The following MYO16 variants were observed in gnomAD, a reference collection of about 807,000 sequenced individuals.
MYO16 encodes unconventional myosin-XVI.
A neutral mutation model predicts 205.3 loss-of-function variants in MYO16; 94 were observed. The ratio of observed to expected loss-of-function variants is 0.46; its 90% CI spans 0.39 to 0.54. The LOEUF is 0.54. Ranked by LOEUF, MYO16 falls within the 20% of genes least tolerant of loss-of-function variation. The pLI is 0.00. For synonymous variants in MYO16, 988 were observed against 954.0 expected (o/e 1.04, Z -0.66); for missense variants, 2,315 against 2,387.5 (o/e 0.97, Z 0.63).
intron 22 of MYO16, among the ~76,000 whole-genome samples, chr13:109,013,186 A>C (rs989554070): frequency 7.3e-6 from 1 of 136,410 alleles, no homozygotes; most frequent in Non-Finnish European, 1.5e-5. Context: ...CTCATTGTTG[A>C]GTTCCCACCT....
rs796802250 is a variant in MYO16 at position 109,049,972 on chromosome 13, G to GTGTGTGTGTGTA, written c.2873-2323_2873-2322insGTGTGTATGTGT. ...TGTGTGTGTGTGTGTGTGTGTGTGTGTGTGTTTACTTTCTGAATCATTTGA... is the reference window on the plus strand; with the variant it reads ...TGTGTGTGTGTGTGTGTGTGTGTGTGTGTGTGTGTGTATGTGTTTACTTTCTGAATCATTTGA... On this transcript the variant is annotated intron_variant, in intron 24 of 34. Coordinates refer to ENST00000457511, the MANE Select transcript of MYO16 (RefSeq NM_001198950.3). 2.2e-4 allele frequency among the ~76,000 whole-genome samples: 29 copies of GTGTGTGTGTGTA among 131,290 alleles called. 1 individual carries two copies. The East Asian group carries it at 3.6e-3, about 16-fold the overall frequency. 86.1% of individuals were successfully genotyped at this position (131,290 alleles called of 152,430 possible).
chr13:108,677,069 C>T (rs1882246422), intron 2 of MYO16, among the ~76,000 whole-genome samples: 1 of 152,074 alleles, frequency 6.6e-6, no homozygotes, highest in Non-Finnish European at 1.5e-5. Context: ...TTCATTCATT[C>T]ATTCATGTAG....
rs1164528243 is a variant in MYO16, at chr13:109,055,515, A to G, written c.3255A>G (p.Gln1085=). Reference sequence around the variant, plus strand: ...ATTTTTACGTGTCTGCTCAGCTACAATATATTGGGGTCCTGGAGATGGTGA... The same window carrying G: ...ATTTTTACGTGTCTGCTCAGCTACAGTATATTGGGGTCCTGGAGATGGTGA... ...FDNFYVSAQL[Q]YIGVLEMVKI... Residue 1085 remains glutamine, a synonymous_variant, in exon 27 of 35, where the codon CAA becomes CAG. Transcript: ENST00000457511. The surrounding 1 kb of genome is among the most constrained non-coding windows in gnomAD (Gnocchi z 5.0). The G allele has an allele frequency of 2.5e-6, 4 of 1,613,208 alleles. No individual in the cohort carries two copies. The highest frequency in any genetic ancestry group is 1.1e-5 in the South Asian group (1 of 91,070).
rs994776413 is a variant in MYO16 at position 108,679,541 on chromosome 13, G to A, written c.292+13392G>A. Among the ~76,000 whole-genome samples, 10 of 151,536 alleles carry A rather than the reference G, an allele frequency of 6.6e-5. No homozygotes were observed. The South Asian group carries it at 8.4e-4, about 13-fold the overall frequency. ...CTCTTCCTAAGCATCTTTATTATAC[G>A]GGGACCCTCAGTCCCCACTGTCATG... is the stretch of plus-strand genomic sequence containing the variant. On this transcript the variant is annotated intron_variant, in intron 2 of 34. Coordinates refer to ENST00000457511, the MANE Select transcript of MYO16 (RefSeq NM_001198950.3).
chr13:108,854,100 T>G (rs1043671570), intron 10 of MYO16, among the ~76,000 whole-genome samples: 1 of 151,994 alleles, frequency 6.6e-6, no homozygotes, highest in East Asian at 1.9e-4. Flanking sequence ...TTCAAGCAAT[T>G]CTCGTGCCTC....
chr13:109,150,267 C>G (rs189023134), intron 32 of MYO16, among the ~76,000 whole-genome samples: 1 of 152,100 alleles, frequency 6.6e-6, no homozygotes, highest in African/African-American at 2.4e-5. Context: ...ACGTAGAAAC[C>G]GACATCGGTA....
At chr13:108,567,582 G>A in the MYO16 span, among the ~76,000 whole-genome samples, 1 of 152,142 alleles carries the variant, frequency 6.6e-6, no homozygotes, top group East Asian at 1.9e-4. Context: ...TCTTTGCTTT[G>A]TGTAATGAAA....
intron 2 of MYO16, among the ~76,000 whole-genome samples, chr13:108,686,431 A>G (rs1416621711): frequency 6.6e-6 from 1 of 152,242 alleles, no homozygotes; most frequent in African/African-American, 2.4e-5. Flanking sequence ...TAATATTTAC[A>G]CTGAGAACTG....
At chr13:108,610,972 C>A in intron 1 of MYO16, among the ~76,000 whole-genome samples, 1 of 152,154 alleles carries the variant, frequency 6.6e-6, no homozygotes, top group East Asian at 1.9e-4. Context: ...AAAGAGATGA[C>A]AGGAAAGTCT....
intron 3 of MYO16, among the ~76,000 whole-genome samples, chr13:108,715,543 C>T (rs1303278763): frequency 6.6e-6 from 1 of 152,128 alleles, no homozygotes; most frequent in Non-Finnish European, 1.5e-5. Context: ...GTGCCTGATA[C>T]TCGGAGATGC....
At chr13:108,898,435 A>G (rs1030349695) in intron 15 of MYO16, among the ~76,000 whole-genome samples, 1 of 150,942 alleles carries the variant, frequency 6.6e-6, no homozygotes, top group African/African-American at 2.4e-5. Flanking sequence ...GTTATTGTGA[A>G]TTAAAAAATA....
chr13:108,882,584 G>A (rs169039), intron 12 of MYO16, among the ~76,000 whole-genome samples: 22,155 of 152,012 alleles, frequency 0.15, 1,692 homozygotes, highest in East Asian at 0.3. Flanking sequence ...ATAAATCACC[G>A]TTTCTCTAAA....
intron 32 of MYO16, among the ~76,000 whole-genome samples, chr13:109,154,039 A>C (rs1365554118): frequency 6.6e-6 from 1 of 152,264 alleles, no homozygotes; most frequent in South Asian, 2.1e-4. Flanking sequence ...ATCTACCACC[A>C]GAAAGAGATG....
chr13:108,524,031 G>C, the MYO16 span, among the ~76,000 whole-genome samples: 1 of 152,026 alleles, frequency 6.6e-6, no homozygotes, highest in Non-Finnish European at 1.5e-5. Flanking sequence ...CGGGTGCGGA[G>C]GCTCACGCCT....
rs772880192 is a variant in MYO16, at chr13:108,666,125, A to G, written c.268A>G (p.Ile90Val). The G allele has an allele frequency of 9.9e-6, 16 of 1,608,822 alleles. No homozygotes were observed. Among genetic ancestry groups the G allele is most frequent in the Middle Eastern group, 1.6e-4 (1 of 6,072 alleles). ...FNLTDMLQDA[I>V]IHHNDKEVLR... ...CCTCACGGACATGCTACAGGACGCGATTATCCACCACAATGACAAAGAAGG... is the reference window on the plus strand; with the variant it reads ...CCTCACGGACATGCTACAGGACGCGGTTATCCACCACAATGACAAAGAAGG... Residue 90 changes from isoleucine (I) to valine (V), a missense_variant, in exon 2 of 35, where the codon ATT (isoleucine) becomes GTT (valine). Ile to Val is a conservative substitution (Grantham distance 29). Coordinates refer to ENST00000457511, the MANE Select transcript of MYO16 (RefSeq NM_001198950.3).
intron 4 of MYO16, among the ~76,000 whole-genome samples, chr13:108,731,416 A>G (rs967222115): frequency 3.9e-5 from 6 of 152,192 alleles, no homozygotes; most frequent in African/African-American, 7.2e-5. Flanking sequence ...CCATCCTTTT[A>G]CATATTCTAG....
chr13:108,897,060 G>A (rs1199282507), intron 14 of MYO16, among the ~76,000 whole-genome samples: 1 of 151,984 alleles, frequency 6.6e-6, no homozygotes, highest in Non-Finnish European at 1.5e-5. Flanking sequence ...AAAAAAGTAG[G>A]ATAGTGTTCT....
chr13:108,896,933 C>T (rs1213531224), intron 14 of MYO16, among the ~76,000 whole-genome samples: 4 of 152,030 alleles, frequency 2.6e-5, no homozygotes, highest in Non-Finnish European at 2.9e-5. Context: ...GATCACACCA[C>T]TGCAGTGAGC....
chr13:109,030,136 A>G (rs760207599), intron 23 of MYO16, among the ~76,000 whole-genome samples: 1 of 148,658 alleles, frequency 6.7e-6, no homozygotes, highest in Non-Finnish European at 1.5e-5. Flanking sequence ...GTTAATTAGT[A>G]TTCATCAATT....
Sources: allele counts gnomAD v4.1 joint callset (sites outside exome capture counted in the v4.1 genomes callset), GRCh38; gene constraint gnomAD v4.1.1; non-coding constraint Gnocchi (gnomAD v3.1); transcripts MANE v1.5; gene names NCBI Gene and HGNC (gene_info 2026-07-23, HGNC 2026-07-21).